The following BRME1 variants were observed in gnomAD, a reference collection of about 807,000 sequenced individuals.
BRME1 encodes BRCA2 and MEILB2-associating protein 1.
A neutral mutation model predicts 52.6 loss-of-function variants in BRME1; 31 were observed. The ratio of observed to expected loss-of-function variants is 0.59; its 90% CI spans 0.44 to 0.80. BRME1 has a LOEUF of 0.80. Among genes scored for constraint, BRME1 ranks in the 30% least tolerant of loss-of-function variants. The probability of loss-of-function intolerance (pLI) is 0.00; values close to 1 mark genes in which losing one functional copy is unlikely to be tolerated. For missense variants in BRME1, 804 were observed against 860.3 expected (o/e 0.93, Z 0.82); for synonymous variants, 359 against 353.6 (o/e 1.02, Z -0.17).
chr19:13,892,928 T>A (rs763106245), intron 4 of BRME1, 38 bp from the exon 5 acceptor site: 1 of 1,584,824 alleles, frequency 6.3e-7, no homozygotes, highest in African/African-American at 1.3e-5. Context: ...GCAATAAAGA[T>A]AAGAGAGGAA....
At position 13,882,873 on chromosome 19, in the gene BRME1, C is replaced by G. The variant is rs546856539; in HGVS notation, c.1936G>C (p.Ala646Pro). 1 of 1,614,054 alleles carries G rather than the reference C, an allele frequency of 6.2e-7. No homozygotes were observed. The highest frequency in any genetic ancestry group is 1.1e-5 in the South Asian group (1 of 91,070). ...CCCTTGGAAGGGTAAGGCAGGGGGG[C>G]TTTGCCTCCCAGCTTTGTCTTCCGG... is the stretch of plus-strand genomic sequence containing the variant. Reference protein sequence around the residue: ...NYRKTKLGGKAPLPYPSKGPG... With the variant: ...NYRKTKLGGKPPLPYPSKGPG... Residue 646 changes from alanine to proline, a missense_variant, in exon 9 of 9, where the codon GCC (alanine) becomes CCC (proline). Ala to Pro is a conservative substitution (Grantham distance 27). Coordinates refer to ENST00000586783, the MANE Select transcript of BRME1 (RefSeq NM_001345843.2).
chr19:13,885,399 C>T (rs1388100154), intron 7 of BRME1: 2 of 152,654 alleles, frequency 1.3e-5, no homozygotes, highest in Non-Finnish European at 2.9e-5. Context: ...GCTGCGGAGA[C>T]CCCGGGCATG....
At chr19:13,886,110 C>A in intron 6 of BRME1, 55 bp from the exon 7 acceptor site, 1 of 1,468,750 alleles carries the variant, frequency 6.8e-7, no homozygotes. Context: ...GCAAGCTCTG[C>A]ACAGGGGAAC....
chr19:13,897,572 T>C (rs1187855962), intron 2 of BRME1, among the ~76,000 whole-genome samples: 1 of 152,212 alleles, frequency 6.6e-6, no homozygotes, highest in African/African-American at 2.4e-5. Context: ...GATTAAAATA[T>C]TGGCCTTTGC....
chr19:13,901,203 C>T (rs1970271815), intron 2 of BRME1, among the ~76,000 whole-genome samples: 1 of 151,566 alleles, frequency 6.6e-6, no homozygotes, highest in South Asian at 2.1e-4. Context: ...TCATGAACTC[C>T]TGGTCTCAGG....
chr19:13,898,335 A>T (rs892404905), intron 2 of BRME1, among the ~76,000 whole-genome samples: 1 of 152,242 alleles, frequency 6.6e-6, no homozygotes, highest in South Asian at 2.1e-4. Context: ...ACAAACCAAC[A>T]GCCAGGTGTG....
chr19:13,904,739 C>T, intron 2 of BRME1, 123 bp downstream of exon 2: 1 of 1,063,130 alleles, frequency 9.4e-7, no homozygotes, highest in Non-Finnish European at 1.4e-6. Context: ...CGCACCCGGC[C>T]AATCCTTGCT....
At chr19:13,902,987 T>C (rs1365072823) in intron 2 of BRME1, among the ~76,000 whole-genome samples, 1 of 151,718 alleles carries the variant, frequency 6.6e-6, no homozygotes, top group African/African-American at 2.4e-5. Flanking sequence ...CTGTTTTTCA[T>C]GCTGTTCTAC....
intron 2 of BRME1, among the ~76,000 whole-genome samples, chr19:13,899,309 T>G (rs1164879792): frequency 6.6e-6 from 1 of 151,846 alleles, no homozygotes; most frequent in Non-Finnish European, 1.5e-5. Context: ...CCACCATGCC[T>G]GGTTAATTTT....
Position 13,889,807 on chromosome 19 carries a change from T to C in BRME1, c.1049A>G (p.Glu350Gly), listed in dbSNP as rs1186078324. ...CCCAGCCACCTCCAGAGCCCTCTCT[T>C]CCAGCTCAGTGGGGTCTGTGCTCAG... The part of the protein sequence containing the change: ...ADLSTDPTEL[E>G]ERALEVAGPD... Residue 350 changes from glutamate (E) to glycine (G), a missense_variant, in exon 6 of 9, where the codon GAA (glutamate) becomes GGA (glycine). This residue lies in a region of BRME1 where 552 missense variants were observed against 561.1 expected (regional missense o/e 0.98). Coordinates refer to ENST00000586783, the MANE Select transcript of BRME1 (RefSeq NM_001345843.2). The C allele has an allele frequency of 6.2e-7, 1 of 1,613,026 alleles. No individual in the cohort carries two copies. The highest frequency in any genetic ancestry group is 1.7e-5 in the Admixed American group (1 of 60,024).
intron 5 of BRME1, among the ~76,000 whole-genome samples, chr19:13,891,754 C>T (rs138706034): frequency 1.6e-3 from 244 of 151,018 alleles, no homozygotes; most frequent in African/African-American, 5.6e-3. Context: ...CAGGTGGGAG[C>T]CACTGCACCT....
At chr19:13,887,770 C>CT (rs35586400) in intron 6 of BRME1, among the ~76,000 whole-genome samples, 46,964 of 142,918 alleles carry the variant, frequency 0.33, 10,223 homozygotes, top group African/African-American at 0.63. Context: ...CTGTGACTCA[C>CT]TTTTTTTTTT....
rs1450535982 is a variant in BRME1 at position 13,893,033 on chromosome 19, C to G, written c.288+109G>C. 3.7e-6 allele frequency: 5 copies of G among 1,354,856 alleles called. No homozygotes were observed. In the East Asian group the frequency reaches 9.9e-5, roughly 27 times the overall value. The allele number at this position is 1,354,856 out of a possible 1,614,324, so 83.9% of individuals were successfully genotyped here. On this transcript the variant is annotated intron_variant, in intron 4 of 8. Transcript: ENST00000586783. ...CCCTCTGGGCACATTCCCTCCAGCC[C>G]CTGTAGACCATGAGTGAGCAATTGG... is the stretch of plus-strand genomic sequence containing the variant.
intron 8 of BRME1, 40 bp from the exon 9 acceptor site, chr19:13,882,992 TCAC>T: frequency 6.3e-7 from 1 of 1,594,502 alleles, no homozygotes; most frequent in Non-Finnish European, 8.5e-7. Flanking sequence ...GGCTCAGTGG[TCAC>T]CAGGTGACAG....
intron 2 of BRME1, among the ~76,000 whole-genome samples, chr19:13,903,868 C>T (rs1320993990): frequency 6.6e-6 from 1 of 151,996 alleles, no homozygotes; most frequent in African/African-American, 2.4e-5. Context: ...TGGGATGAAC[C>T]CAGGTTTTGG....
At position 13,884,344 on chromosome 19, in the gene BRME1, C is replaced by T. The variant is rs117402074; in HGVS notation, c.1764-944G>A. On this transcript the variant is annotated intron_variant, in intron 7 of 8. Transcript: ENST00000586783. ...GCAAGACTCTATCTAAAAAATATCCCGCCAGGCACGATGGCTCATGCCTGT... is the reference window on the plus strand; with the variant it reads ...GCAAGACTCTATCTAAAAAATATCCTGCCAGGCACGATGGCTCATGCCTGT... Among the ~76,000 whole-genome samples the T allele has an allele frequency of 4.8e-3, 724 of 151,392 alleles. 3 individuals are homozygous for T. Among genetic ancestry groups the T allele is most frequent in the Non-Finnish European group, 7.3e-3 (495 of 67,802 alleles).
intron 2 of BRME1, among the ~76,000 whole-genome samples, chr19:13,904,168 G>A (rs1299670558): frequency 2.6e-5 from 4 of 151,532 alleles, no homozygotes; most frequent in Admixed American, 6.6e-5. Flanking sequence ...GCAGTGGTAC[G>A]ATCTGGATTC....
At chr19:13,891,539 C>T (rs1969502940) in intron 5 of BRME1, among the ~76,000 whole-genome samples, 1 of 151,970 alleles carries the variant, frequency 6.6e-6, no homozygotes, top group Non-Finnish European at 1.5e-5. Context: ...GTGATCACGG[C>T]TCACTGTAGT....
In BRME1 at chr19:13,906,068, C is replaced by A; in HGVS notation, c.-375G>T. 1 of 194,292 alleles carries A rather than the reference C, an allele frequency of 5.1e-6. No homozygotes were observed. The highest frequency in any genetic ancestry group is 1.1e-5 in the Non-Finnish European group (1 of 95,134). The allele number at this position is 194,292 out of a possible 1,614,324, so 12.0% of individuals were successfully genotyped here. On this transcript the variant is annotated 5_prime_UTR_variant, in exon 1 of 9. Transcript: ENST00000586783. This position sits in a 1 kb window ranked among gnomAD's most constrained non-coding sequence, Gnocchi z 4.1. ...TCGCCGCCCCTCACACCTGCGCGCG[C>A]TCTGCCTCTTTCCCGCGCCCCGCGA...
Sources: allele counts gnomAD v4.1 joint callset (sites outside exome capture counted in the v4.1 genomes callset), GRCh38; gene constraint gnomAD v4.1.1; regional missense constraint gnomAD v4.1.1; non-coding constraint Gnocchi (gnomAD v3.1); transcripts MANE v1.5; gene names NCBI Gene and HGNC (gene_info 2026-07-23, HGNC 2026-07-21).